The following CNTNAP5 variants were observed in gnomAD, a reference collection of about 807,000 sequenced individuals.
The protein encoded by CNTNAP5 is contactin associated protein family member 5.
A neutral mutation model predicts 150.2 loss-of-function variants in CNTNAP5; 72 were observed. The ratio of observed to expected loss-of-function variants is 0.48; its 90% CI spans 0.40 to 0.58. The LOEUF is 0.58. Ranked by LOEUF, CNTNAP5 falls within the 20% of genes least tolerant of loss-of-function variation. CNTNAP5 has a pLI of 0.00. For synonymous variants in CNTNAP5, 672 were observed against 619.8 expected, an observed-to-expected ratio of 1.08 and a Z score of -1.25; for missense variants, 1,636 against 1,626.2, an observed-to-expected ratio of 1.01 and a Z score of -0.10.
In CNTNAP5 at chr2:124,234,920, G is replaced by A. The variant is rs181331889; in HGVS notation, c.188-7280G>A. The stretch of plus-strand genomic sequence containing the variant: ...TCACACACTGTCTCAGAGGCTGTTC[G>A]TGCTCATATGCCTCAGACTTCACCA... On this transcript the variant is annotated intron_variant, in intron 2 of 23. Coordinates refer to ENST00000682447, the MANE Select transcript of CNTNAP5 (RefSeq NM_001367498.1). Among the ~76,000 whole-genome samples, 12 of 152,276 alleles carry A rather than the reference G, an allele frequency of 7.9e-5. No individual in the cohort carries two copies. In the South Asian group the frequency reaches 1.0e-3, roughly 13 times the overall value.
At chr2:124,028,905 A>G (rs1045818179) in intron 1 of CNTNAP5, among the ~76,000 whole-genome samples, 1 of 152,164 alleles carries the variant, frequency 6.6e-6, no homozygotes, top group African/African-American at 2.4e-5. Flanking sequence ...AATTATTTAA[A>G]TATTAAGTAT....
At chr2:124,256,618 T>C (rs1207083662) in intron 3 of CNTNAP5, among the ~76,000 whole-genome samples, 2 of 152,174 alleles carry the variant, frequency 1.3e-5, no homozygotes, top group East Asian at 3.8e-4. Flanking sequence ...TCGATTTTTA[T>C]TAAAAGCAAA....
At chr2:124,056,666 C>A (rs141996407) in intron 1 of CNTNAP5, among the ~76,000 whole-genome samples, 201 of 152,108 alleles carry the variant, frequency 1.3e-3, no homozygotes, top group Non-Finnish European at 2.4e-3. Context: ...AGAACAACAA[C>A]AACAACAACA....
At chr2:124,874,811 C>A (rs1308678378) in intron 21 of CNTNAP5, among the ~76,000 whole-genome samples, 1 of 152,014 alleles carries the variant, frequency 6.6e-6, no homozygotes, top group Admixed American at 6.6e-5. Context: ...GCACTCATGG[C>A]ATGCTGATAG....
rs1456257286 is a variant in CNTNAP5, at chr2:124,647,970, G to A, written c.2077+12G>A. ...GCTCAACACGCCGGGTAAGGCCTCT[G>A]CATGCATGACCACAGTGGGATAGAT... On this transcript the variant is annotated intron_variant, in intron 13 of 23. Transcript: ENST00000682447. The A allele has an allele frequency of 1.9e-6, 3 of 1,583,156 alleles. No individual in the cohort carries two copies. The highest frequency in any genetic ancestry group is 2.3e-5 in the East Asian group (1 of 43,398).
chr2:124,347,124 A>G (rs1004298745), intron 3 of CNTNAP5, among the ~76,000 whole-genome samples: 24 of 152,012 alleles, frequency 1.6e-4, no homozygotes, highest in Admixed American at 9.2e-4. Flanking sequence ...GTACTGTAAG[A>G]TAATAAATTT....
intron 3 of CNTNAP5, among the ~76,000 whole-genome samples, chr2:124,307,093 A>G (rs1012321160): frequency 2.6e-5 from 4 of 152,096 alleles, no homozygotes; most frequent in Non-Finnish European, 2.9e-5. Context: ...TTAGTCCAGG[A>G]TGCTATTAGC....
chr2:124,282,525 C>T (rs1313213147), intron 3 of CNTNAP5, among the ~76,000 whole-genome samples: 1 of 152,074 alleles, frequency 6.6e-6, no homozygotes, highest in Non-Finnish European at 1.5e-5. Flanking sequence ...CCAAGCACCT[C>T]TCTGTAATTG....
At chr2:124,326,522 C>G (rs1689222279) in intron 3 of CNTNAP5, among the ~76,000 whole-genome samples, 1 of 152,116 alleles carries the variant, frequency 6.6e-6, no homozygotes, top group Admixed American at 6.5e-5. Flanking sequence ...ATTAAAGCAG[C>G]TAAGAACATG....
intron 13 of CNTNAP5, among the ~76,000 whole-genome samples, chr2:124,663,228 T>C (rs4473385): frequency 0.31 from 46,686 of 152,124 alleles, 7,871 homozygotes; most frequent in Non-Finnish European, 0.38. Flanking sequence ...AAACAATCCT[T>C]GCTTAAATCA....
intron 3 of CNTNAP5, among the ~76,000 whole-genome samples, chr2:124,392,174 C>A (rs139860317): frequency 6.6e-6 from 1 of 151,850 alleles, no homozygotes; most frequent in Non-Finnish European, 1.5e-5. Flanking sequence ...TTTAAAGGAC[C>A]AATTAGCATT....
chr2:124,713,243 C>T (rs6541970), intron 13 of CNTNAP5, among the ~76,000 whole-genome samples: 23,157 of 64,318 alleles, frequency 0.36, 5,680 homozygotes, highest in East Asian at 0.41. Flanking sequence ...TTCTTTCTTT[C>T]TCTTTCTTTC....
intron 1 of CNTNAP5, among the ~76,000 whole-genome samples, chr2:124,095,563 T>A (rs895858113): frequency 2.0e-5 from 3 of 152,184 alleles, no homozygotes; most frequent in African/African-American, 7.2e-5. Flanking sequence ...TTCCCTTTCC[T>A]GTGAGCTCCT....
intron 3 of CNTNAP5, among the ~76,000 whole-genome samples, chr2:124,307,931 C>T (rs995695353): frequency 3.9e-5 from 6 of 152,170 alleles, no homozygotes; most frequent in African/African-American, 1.2e-4. Context: ...TCAGAACCTA[C>T]AATATATGAC....
At chr2:124,357,772 A>T (rs1487553745) in intron 3 of CNTNAP5, among the ~76,000 whole-genome samples, 1 of 144,920 alleles carries the variant, frequency 6.9e-6, no homozygotes. Flanking sequence ...TTGGCTTAGG[A>T]TTGCCTTGGC....
At chr2:124,058,552 A>G (rs938336038) in intron 1 of CNTNAP5, among the ~76,000 whole-genome samples, 1 of 152,036 alleles carries the variant, frequency 6.6e-6, no homozygotes, top group African/African-American at 2.4e-5. Context: ...AAGTGTATCA[A>G]TCCCTCTCCT....
chr2:124,234,169 C>A (rs1439313964), intron 2 of CNTNAP5, among the ~76,000 whole-genome samples: 1 of 151,986 alleles, frequency 6.6e-6, no homozygotes, highest in East Asian at 1.9e-4. Flanking sequence ...GCTGCTGAAT[C>A]TTCTATATAT....
intron 3 of CNTNAP5, among the ~76,000 whole-genome samples, chr2:124,257,753 T>C (rs1687348509): frequency 6.6e-6 from 1 of 150,852 alleles, no homozygotes; most frequent in Non-Finnish European, 1.5e-5. Context: ...TGTTGCTCCA[T>C]GCGAGTTAGT....
At chr2:124,856,495 T>A (rs1288237467) in intron 19 of CNTNAP5, among the ~76,000 whole-genome samples, 1 of 151,092 alleles carries the variant, frequency 6.6e-6, no homozygotes, top group Non-Finnish European at 1.5e-5. Flanking sequence ...TCCATGCCAT[T>A]ATCTATTATT....
Sources: allele counts gnomAD v4.1 joint callset (sites outside exome capture counted in the v4.1 genomes callset), GRCh38; gene constraint gnomAD v4.1.1; transcripts MANE v1.5; gene names NCBI Gene and HGNC (gene_info 2026-07-23, HGNC 2026-07-21).